SPOCK3: variants seen among roughly 807,000 people sequenced by gnomAD.
SPOCK3 encodes testican-3.
SPOCK3 carries 30 observed loss-of-function variants against 56.6 expected under a neutral mutation model. The ratio of observed to expected loss-of-function variants is 0.53; its 90% CI spans 0.40 to 0.72. The LOEUF (loss-of-function observed/expected upper bound fraction) is 0.72. Ranked by LOEUF, SPOCK3 falls within the 30% of genes least tolerant of loss-of-function variation. SPOCK3 has a pLI of 0.00. For missense variants in SPOCK3, 527 were observed against 530.0 expected (o/e 0.99, Z 0.06); for synonymous variants, 196 against 183.3 (o/e 1.07, Z -0.56).
chr4:166,949,922 G>C (rs1036756634), intron 4 of SPOCK3, among the ~76,000 whole-genome samples: 1 of 151,026 alleles, frequency 6.6e-6, no homozygotes, highest in Non-Finnish European at 1.5e-5. Flanking sequence ...CCCTAAAAGA[G>C]CTCCTGAAGG....
intron 3 of SPOCK3, among the ~76,000 whole-genome samples, chr4:167,018,003 A>G (rs905201142): frequency 1.3e-5 from 2 of 152,056 alleles, no homozygotes; most frequent in Non-Finnish European, 2.9e-5. Context: ...GGGACTTATT[A>G]AGAGATTTTT....
chr4:166,835,468 A>C (rs1055737069), intron 6 of SPOCK3, among the ~76,000 whole-genome samples: 1 of 152,182 alleles, frequency 6.6e-6, no homozygotes, highest in African/African-American at 2.4e-5. Context: ...CTATTCAAAA[A>C]AAGGCTGAAA....
intron 2 of SPOCK3, among the ~76,000 whole-genome samples, chr4:167,176,814 A>G (rs1488802060): frequency 6.6e-6 from 1 of 152,108 alleles, no homozygotes; most frequent in Non-Finnish European, 1.5e-5. Context: ...CCATATGGAG[A>G]CAAGGCCAAG....
intron 7 of SPOCK3, among the ~76,000 whole-genome samples, chr4:166,771,916 G>A (rs974853131): frequency 3.3e-5 from 5 of 151,798 alleles, no homozygotes; most frequent in African/African-American, 7.3e-5. Context: ...ATATTTTCAG[G>A]ACTTATATTT....
At chr4:167,008,883 A>G (rs928270520) in intron 3 of SPOCK3, among the ~76,000 whole-genome samples, 5 of 152,074 alleles carry the variant, frequency 3.3e-5, no homozygotes, top group Admixed American at 2.6e-4. Flanking sequence ...AAAACTACCT[A>G]TTTAGTACTA....
intron 2 of SPOCK3, among the ~76,000 whole-genome samples, chr4:167,213,476 C>T (rs1735073654): frequency 6.6e-6 from 1 of 152,208 alleles, no homozygotes; most frequent in South Asian, 2.1e-4. Flanking sequence ...TAACTCTCCC[C>T]ATAAGTGAGA....
intron 4 of SPOCK3, among the ~76,000 whole-genome samples, chr4:166,940,528 T>C (rs1248245367): frequency 6.6e-6 from 1 of 151,974 alleles, no homozygotes; most frequent in South Asian, 2.1e-4. Flanking sequence ...CAAAGCTATC[T>C]TCGGTAGAGA....
rs954460286 is a variant in SPOCK3, at chr4:166,962,602, C to T, written c.350+37747G>A. On this transcript the variant is annotated intron_variant, in intron 4 of 10. Transcript: ENST00000357545. ...AAAGAAGAAAGTGCTATAGTGGAAA[C>T]CTATTTTCTTTGAATTTGTATCTAA... Among the ~76,000 whole-genome samples the T allele has an allele frequency of 3.3e-5, 5 of 152,134 alleles. No individual in the cohort carries two copies. In the East Asian group the frequency reaches 9.7e-4, roughly 29 times the overall value.
At chr4:166,954,812 C>G (rs888282774) in intron 4 of SPOCK3, among the ~76,000 whole-genome samples, 5 of 152,180 alleles carry the variant, frequency 3.3e-5, no homozygotes, top group African/African-American at 1.2e-4. Context: ...TGGCATGAAA[C>G]TCCATCCCCC....
chr4:167,112,883 T>C (rs1038916355), intron 2 of SPOCK3, among the ~76,000 whole-genome samples: 3 of 152,020 alleles, frequency 2.0e-5, no homozygotes, highest in Admixed American at 2.0e-4. Context: ...ATGTGTTAAG[T>C]GTAAACCAAG....
intron 6 of SPOCK3, among the ~76,000 whole-genome samples, chr4:166,853,861 G>A (rs1431424831): frequency 4.0e-5 from 6 of 151,592 alleles, no homozygotes; most frequent in East Asian, 1.9e-4. Flanking sequence ...CACCCTGGGC[G>A]ACAGAGGAAG....
At position 166,897,071 on chromosome 4, in the gene SPOCK3, T is replaced by C. The variant is rs183128991; in HGVS notation, c.475-7827A>G. On this transcript the variant is annotated intron_variant, in intron 5 of 10. Transcript: ENST00000357545. Reference sequence around the variant, plus strand: ...ATATGACAGTTTGTCCTGGTAAAAATTGCTTTATATATCTCGAGACTATTT... The same window carrying C: ...ATATGACAGTTTGTCCTGGTAAAAACTGCTTTATATATCTCGAGACTATTT... 1.3e-3 allele frequency among the ~76,000 whole-genome samples: 197 copies of C among 152,312 alleles called. 1 individual carries two copies. Among genetic ancestry groups the C allele is most frequent in the African/African-American group, 4.5e-3 (185 of 41,564 alleles).
intron 4 of SPOCK3, among the ~76,000 whole-genome samples, chr4:166,974,017 A>G (rs1745675317): frequency 6.6e-6 from 1 of 152,180 alleles, no homozygotes; most frequent in East Asian, 1.9e-4. Context: ...TAAAATATGA[A>G]GCTACTGCAT....
At chr4:166,799,446 CAA>C (rs1156876706) in intron 6 of SPOCK3, among the ~76,000 whole-genome samples, 2 of 152,268 alleles carry the variant, frequency 1.3e-5, no homozygotes, top group African/African-American at 4.8e-5. Flanking sequence ...GCTATTGCTA[CAA>C]CCGAGGAAGA....
At chr4:167,143,050 T>C (rs1427199658) in intron 2 of SPOCK3, among the ~76,000 whole-genome samples, 4 of 151,980 alleles carry the variant, frequency 2.6e-5, no homozygotes, top group African/African-American at 9.7e-5. Context: ...TAAAAATAGA[T>C]CATGGTTGCA....
chr4:166,985,005 G>C lies in SPOCK3; in HGVS notation c.350+15344C>G, dbSNP rs189902305. ...CTGTCAAGGAGCCATTCAGAATATG[G>C]CCCCAGAAGTGTCTACATTTAAATG... On this transcript the variant is annotated intron_variant, in intron 4 of 10. Transcript: ENST00000357545. 3.0e-3 allele frequency among the ~76,000 whole-genome samples: 455 copies of C among 152,130 alleles called. 3 individuals carry two copies. The highest frequency in any genetic ancestry group is 0.01 in the African/African-American group (426 of 41,522).
intron 6 of SPOCK3, among the ~76,000 whole-genome samples, chr4:166,859,830 A>G (rs1245783769): frequency 6.6e-6 from 1 of 152,130 alleles, no homozygotes; most frequent in Non-Finnish European, 1.5e-5. Context: ...TGAAAATAAC[A>G]CTTTCCAAAG....
At chr4:167,050,740 G>A (rs1182298028) in intron 3 of SPOCK3, among the ~76,000 whole-genome samples, 2 of 152,134 alleles carry the variant, frequency 1.3e-5, no homozygotes, top group Non-Finnish European at 2.9e-5. Flanking sequence ...TCTGACACAT[G>A]CTACAACATG....
At chr4:166,879,624 T>C (rs1471181491) in intron 6 of SPOCK3, among the ~76,000 whole-genome samples, 1 of 152,194 alleles carries the variant, frequency 6.6e-6, no homozygotes, top group African/African-American at 2.4e-5. Context: ...CCACTTTCCC[T>C]CATATTTTAC....
Sources: gnomAD v4.1 joint callset for allele counts (sites outside exome capture counted in the v4.1 genomes callset) on GRCh38, gnomAD v4.1.1 for gene constraint, MANE v1.5 for transcripts, NCBI Gene and HGNC (gene_info 2026-07-23, HGNC 2026-07-21) for gene names.